Variants in NCALD observed in about 807,000 individuals in gnomAD.
The protein encoded by NCALD is neurocalcin-delta.
A neutral mutation model predicts 18.6 loss-of-function variants in NCALD; 10 were observed. That is an observed-to-expected ratio of 0.54 (90% CI 0.33 to 0.91). The LOEUF (loss-of-function observed/expected upper bound fraction) is 0.91. NCALD is among the 40% of genes least tolerant of loss of function. The pLI is 0.03. For missense variants in NCALD, 184 were observed against 247.6 expected (o/e 0.74, Z 1.72); for synonymous variants, 88 against 87.4 (o/e 1.01, Z -0.04).
intron 1 of NCALD, among the ~76,000 whole-genome samples, chr8:101,769,308 G>A (rs1173603679): frequency 2.0e-5 from 3 of 152,148 alleles, no homozygotes; most frequent in African/African-American, 7.2e-5. Context: ...TAAACTTGAC[G>A]TTCTATGCTC....
At chr8:101,991,919 G>A (rs1184505901) in intron 2 of NCALD, among the ~76,000 whole-genome samples, 1 of 152,202 alleles carries the variant, frequency 6.6e-6, no homozygotes, top group East Asian at 1.9e-4. Flanking sequence ...TCTCACTGGG[G>A]ACTTGCCATG....
intron 4 of NCALD, among the ~76,000 whole-genome samples, chr8:101,873,726 T>C (rs751326423): frequency 2.4e-4 from 37 of 152,318 alleles, no homozygotes; most frequent in African/African-American, 8.4e-4. Context: ...GTTCTGGCTA[T>C]ACTGCCGCCC....
intron 2 of NCALD, among the ~76,000 whole-genome samples, chr8:101,991,676 C>T (rs1370759547): frequency 6.6e-6 from 1 of 152,102 alleles, no homozygotes; most frequent in Non-Finnish European, 1.5e-5. Flanking sequence ...CAATACAGCT[C>T]AGCGAACCAT....
intron 3 of NCALD, among the ~76,000 whole-genome samples, chr8:101,915,274 A>C (rs780844946): frequency 2.6e-5 from 4 of 152,218 alleles, no homozygotes; most frequent in Non-Finnish European, 5.9e-5. Flanking sequence ...TAACTCCTAC[A>C]TTGCCTTGCA....
intron 1 of NCALD, among the ~76,000 whole-genome samples, chr8:102,086,659 C>T (rs1235329991): frequency 3.9e-5 from 6 of 152,304 alleles, no homozygotes; most frequent in Non-Finnish European, 1.5e-5. Flanking sequence ...AATCATTTCT[C>T]ATGCTCCCAC....
chr8:101,719,887 T>C (rs1816269977), intron 1 of NCALD, among the ~76,000 whole-genome samples: 1 of 152,172 alleles, frequency 6.6e-6, no homozygotes, highest in Non-Finnish European at 1.5e-5. Context: ...ACTTCTTTTA[T>C]ACAGAGCCAT....
intron 1 of NCALD, among the ~76,000 whole-genome samples, chr8:102,089,671 A>G (rs938388376): frequency 5.3e-5 from 8 of 152,106 alleles, no homozygotes; most frequent in African/African-American, 9.7e-5. Context: ...TTTTTGGTAA[A>G]AAAAAAAATT....
Position 101,872,198 on chromosome 8 carries a change from G to A in NCALD, c.-20+14943C>T, listed in dbSNP as rs1157452945. 8.3e-6 allele frequency: 13 copies of A among 1,571,154 alleles called. No homozygotes were observed. In the East Asian group the frequency reaches 2.7e-4, roughly 32 times the overall value. On this transcript the variant is annotated intron_variant, in intron 4 of 6. Transcript: ENST00000311028. ...AGGGGAATTCCTCGTTTGCAAAGGT[G>A]CAAGATGACCCACAAGCCCTCACTG...
chr8:102,096,901 G>C lies in NCALD; in HGVS notation c.-210+27336C>G, dbSNP rs546595879. Among the ~76,000 whole-genome samples the C allele has an allele frequency of 2.0e-5, 3 of 152,198 alleles. No individual in the cohort carries two copies. The East Asian group carries it at 5.8e-4, about 29-fold the overall frequency. On this transcript the variant is annotated intron_variant, in intron 1 of 6. Transcript: ENST00000311028. The stretch of plus-strand genomic sequence containing the variant: ...ATTTGTTCAAAATGCCAAGAACCTG[G>C]ACACCCTCCACTGGTAACAAGATGA...
chr8:101,860,543 G>T (rs1302093363), intron 4 of NCALD, among the ~76,000 whole-genome samples: 3 of 152,154 alleles, frequency 2.0e-5, no homozygotes, highest in African/African-American at 7.2e-5. Flanking sequence ...TGTAGCCATT[G>T]GCAATTAAGT....
At chr8:101,974,531 G>T (rs1384570372) in intron 2 of NCALD, among the ~76,000 whole-genome samples, 1 of 152,118 alleles carries the variant, frequency 6.6e-6, no homozygotes, top group Non-Finnish European at 1.5e-5. Context: ...AAGCATGTGG[G>T]ATGTCATGTA....
intron 1 of NCALD, among the ~76,000 whole-genome samples, chr8:101,774,997 G>A (rs1375566077): frequency 2.6e-5 from 4 of 152,290 alleles, no homozygotes; most frequent in African/African-American, 7.2e-5. Context: ...TGGGAGCTTC[G>A]TGGATTAGTC....
chr8:101,874,509 A>G (rs1012996224), intron 4 of NCALD, among the ~76,000 whole-genome samples: 2 of 152,126 alleles, frequency 1.3e-5, no homozygotes, highest in African/African-American at 4.8e-5. Context: ...AAAGGCCCCC[A>G]GTCGAACAGC....
rs1563788373 is a variant in NCALD at position 101,806,451 on chromosome 8, G to A, written c.-20+80690C>T. On this transcript the variant is annotated intron_variant, in intron 4 of 6. Transcript: ENST00000311028. The stretch of plus-strand genomic sequence containing the variant: ...AGAACTAAAGAAAATCATACTTTAT[G>A]AAGTAAAAGAGGCTACAATGACAAT... Among the ~76,000 whole-genome samples the A allele has an allele frequency of 2.6e-5, 4 of 152,214 alleles. No homozygotes were observed. The South Asian group carries it at 6.2e-4, about 24-fold the overall frequency.
chr8:101,754,521 G>A lies in NCALD; in HGVS notation c.-19-34873C>T, dbSNP rs138844231. Reference sequence around the variant, plus strand: ...GGGCAACTTCTTGCTGTGTCCTCATGTGGTGGAAGGGGCAGTGGTCTCTCT... The same window carrying A: ...GGGCAACTTCTTGCTGTGTCCTCATATGGTGGAAGGGGCAGTGGTCTCTCT... On this transcript the variant is annotated intron_variant, in intron 1 of 3. Transcript: ENST00000220931. 3.3e-5 allele frequency among the ~76,000 whole-genome samples: 5 copies of A among 152,284 alleles called. No homozygotes were observed. The East Asian group carries it at 9.7e-4, about 29-fold the overall frequency.
chr8:101,766,930 C>A (rs1296015062), intron 1 of NCALD, among the ~76,000 whole-genome samples: 1 of 152,172 alleles, frequency 6.6e-6, no homozygotes, highest in South Asian at 2.1e-4. Flanking sequence ...AATATACACA[C>A]TCCTGTTTAA....
chr8:101,808,080 C>A (rs1294478270), intron 4 of NCALD, among the ~76,000 whole-genome samples: 1 of 152,112 alleles, frequency 6.6e-6, no homozygotes, highest in Non-Finnish European at 1.5e-5. Context: ...TTACCAATAT[C>A]TGTAATAAAA....
At chr8:101,959,148 T>A (rs552280021) in intron 2 of NCALD, among the ~76,000 whole-genome samples, 1 of 152,322 alleles carries the variant, frequency 6.6e-6, no homozygotes, top group African/African-American at 2.4e-5. Flanking sequence ...TGGCTATTTA[T>A]CTTCCTTCAA....
intron 1 of NCALD, among the ~76,000 whole-genome samples, chr8:101,772,895 G>C (rs1286955609): frequency 6.6e-6 from 1 of 152,196 alleles, no homozygotes; most frequent in Middle Eastern, 3.2e-3. Flanking sequence ...CATTTTAATA[G>C]AGAGAATTTA....
Sources: gnomAD v4.1 joint callset for allele counts (sites outside exome capture counted in the v4.1 genomes callset) on GRCh38, gnomAD v4.1.1 for gene constraint, MANE v1.5 for transcripts, NCBI Gene and HGNC (gene_info 2026-07-23, HGNC 2026-07-21) for gene names.